NEO1: variants seen among roughly 807,000 people sequenced by gnomAD.
NEO1 encodes the protein neogenin.
In NEO1, 63 loss-of-function variants were observed where a neutral mutation model predicts 159.7. The ratio of observed to expected loss-of-function variants is 0.39; its 90% CI spans 0.32 to 0.49. NEO1 has a LOEUF of 0.49. Ranked by LOEUF, NEO1 falls within the 20% of genes least tolerant of loss-of-function variation. The probability of loss-of-function intolerance (pLI) is 0.85; values close to 1 mark genes in which losing one functional copy is unlikely to be tolerated. For missense variants in NEO1, 1,615 were observed against 1,831.0 expected, an observed-to-expected ratio of 0.88 and a Z score of 2.15; for synonymous variants, 633 against 662.0, an observed-to-expected ratio of 0.96 and a Z score of 0.67.
chr15:73,135,717 A>G (rs545855825), intron 4 of NEO1, among the ~76,000 whole-genome samples, 174 bp from the exon 5 acceptor site: 1 of 152,304 alleles, frequency 6.6e-6, no homozygotes, highest in South Asian at 2.1e-4. Flanking sequence ...AATATGAGCA[A>G]AGCAAATTGG....
intron 5 of NEO1, among the ~76,000 whole-genome samples, chr15:73,153,322 G>T (rs961430171): frequency 6.6e-6 from 1 of 152,130 alleles, no homozygotes; most frequent in Non-Finnish European, 1.5e-5. Context: ...GCCCAGTCAA[G>T]TTGACACATA....
chr15:73,264,771 G>A (rs1297058967), intron 15 of NEO1, among the ~76,000 whole-genome samples: 2 of 152,032 alleles, frequency 1.3e-5, no homozygotes, highest in Non-Finnish European at 2.9e-5. Context: ...TATTCCATCT[G>A]GCCCAAAATT....
At chr15:73,254,434 G>A (rs188588795) in intron 12 of NEO1, among the ~76,000 whole-genome samples, 1 of 152,032 alleles carries the variant, frequency 6.6e-6, no homozygotes, top group East Asian at 1.9e-4. Flanking sequence ...CATCTTTCTG[G>A]CAAAACAACC....
At chr15:73,082,469 G>A (rs1433532675) in intron 1 of NEO1, among the ~76,000 whole-genome samples, 2 of 151,780 alleles carry the variant, frequency 1.3e-5, no homozygotes, top group Non-Finnish European at 2.9e-5. Context: ...GAAGATTGCT[G>A]TTAATTTTTC....
intron 7 of NEO1, among the ~76,000 whole-genome samples, chr15:73,234,818 T>C (rs1482785405): frequency 6.6e-6 from 1 of 152,238 alleles, no homozygotes; most frequent in East Asian, 1.9e-4. Flanking sequence ...CAGACTCTGC[T>C]TGGCTATATC....
chr15:73,075,641 A>G (rs1248484052), intron 1 of NEO1, among the ~76,000 whole-genome samples: 1 of 114,276 alleles, frequency 8.8e-6, no homozygotes, highest in Non-Finnish European at 2.0e-5. Context: ...CAGTGTAAAC[A>G]CTGGCCATGT....
chr15:73,060,516 C>T (rs1053523906), intron 1 of NEO1, among the ~76,000 whole-genome samples: 2 of 152,164 alleles, frequency 1.3e-5, no homozygotes, highest in Non-Finnish European at 2.9e-5. Flanking sequence ...GATCTGCCCG[C>T]CTCGGCCTCC....
At position 73,293,440 on chromosome 15, in the gene NEO1, T is replaced by A; in HGVS notation, c.3793T>A (p.Phe1265Ile). The A allele has an allele frequency of 6.2e-7, 1 of 1,614,196 alleles. No homozygotes were observed. The highest frequency in any genetic ancestry group is 8.5e-7 in the Non-Finnish European group (1 of 1,180,036). ...IHSLDNPHHH[F>I]HSSSLASPAR... Reference sequence around the variant, plus strand: ...TTCCCTCGATAACCCTCACCATCATTTCCACTCCAGCAGCCTCGCTTCTCC... The same window carrying A: ...TTCCCTCGATAACCCTCACCATCATATCCACTCCAGCAGCCTCGCTTCTCC... Residue 1265 changes from phenylalanine to isoleucine, a missense_variant, in exon 26 of 29, where the codon TTC (phenylalanine) becomes ATC (isoleucine). Phe to Ile is a conservative substitution (Grantham distance 21). This residue lies in a region of NEO1 where 471 missense variants were observed against 498.9 expected (regional missense o/e 0.94). Coordinates refer to ENST00000261908, the MANE Select transcript of NEO1 (RefSeq NM_002499.4).
chr15:73,115,604 C>G (rs193020705), intron 1 of NEO1, among the ~76,000 whole-genome samples: 3 of 152,058 alleles, frequency 2.0e-5, no homozygotes, highest in African/African-American at 7.2e-5. Flanking sequence ...GTTTCATTTG[C>G]TGGATTGGGT....
At chr15:73,104,021 A>G (rs2070543651) in intron 1 of NEO1, among the ~76,000 whole-genome samples, 1 of 151,948 alleles carries the variant, frequency 6.6e-6, no homozygotes, top group Admixed American at 6.6e-5. Context: ...TGCCAGGTTA[A>G]TTTTTTTAAA....
intron 1 of NEO1, among the ~76,000 whole-genome samples, chr15:73,115,852 A>G (rs796429066): frequency 7.2e-5 from 11 of 152,354 alleles, no homozygotes; most frequent in African/African-American, 2.6e-4. Context: ...TTACACTAAA[A>G]TGAATTCTAG....
At chr15:73,218,666 T>G (rs1194683784) in intron 7 of NEO1, among the ~76,000 whole-genome samples, 1 of 152,210 alleles carries the variant, frequency 6.6e-6, no homozygotes, top group Non-Finnish European at 1.5e-5. Context: ...AGAGTGTATG[T>G]GTCGAGGAAT....
At chr15:73,180,375 T>A (rs571636612) in intron 7 of NEO1, among the ~76,000 whole-genome samples, 1 of 152,220 alleles carries the variant, frequency 6.6e-6, no homozygotes, top group African/African-American at 2.4e-5. Context: ...TCTTCTTAGG[T>A]TTGTATATAC....
intron 7 of NEO1, among the ~76,000 whole-genome samples, chr15:73,178,672 A>G (rs1302072401): frequency 6.6e-6 from 1 of 152,224 alleles, no homozygotes; most frequent in African/African-American, 2.4e-5. Flanking sequence ...GTCTTAATAA[A>G]TTAATTTTTA....
chr15:73,270,218 A>C lies in NEO1; in HGVS notation c.2703A>C (p.Ala901=), dbSNP rs1221575297. ...TCCGATGGAAAACCAACATCCCAGC[A>C]AACACCAAGTACAAGGTACTGACAC... ...YTVRWKTNIP[A]NTKYKNANAT... Residue 901 remains alanine (A), a synonymous_variant, in exon 17 of 29, where the codon GCA becomes GCC. Coordinates refer to ENST00000261908, the MANE Select transcript of NEO1 (RefSeq NM_002499.4). 6 of 1,614,222 alleles carry C rather than the reference A, an allele frequency of 3.7e-6. No homozygotes were observed. Among genetic ancestry groups the C allele is most frequent in the Non-Finnish European group, 5.1e-6 (6 of 1,180,046 alleles).
At chr15:73,137,271 A>T (rs1427719790) in intron 5 of NEO1, among the ~76,000 whole-genome samples, 1 of 152,232 alleles carries the variant, frequency 6.6e-6, no homozygotes. Context: ...AGAATTAAAA[A>T]TAACCATAAA....
chr15:73,251,513 C>CAAA (rs35979398), intron 11 of NEO1, among the ~76,000 whole-genome samples: 2 of 94,414 alleles, frequency 2.1e-5, no homozygotes, highest in African/African-American at 9.0e-5. Flanking sequence ...GAAGCTGTCT[C>CAAA]AAAAAAAAAA....
At chr15:73,197,974 C>T (rs2036633813) in intron 7 of NEO1, among the ~76,000 whole-genome samples, 1 of 152,114 alleles carries the variant, frequency 6.6e-6, no homozygotes, top group Admixed American at 6.5e-5. Flanking sequence ...AACCCCCATG[C>T]CTGTCCATGC....
At chr15:73,159,532 A>T (rs1567342847) in intron 5 of NEO1, among the ~76,000 whole-genome samples, 1 of 152,000 alleles carries the variant, frequency 6.6e-6, no homozygotes, top group Non-Finnish European at 1.5e-5. Flanking sequence ...AACCACATAA[A>T]TATATCCCAC....
Sources: gnomAD v4.1 joint callset for allele counts (sites outside exome capture counted in the v4.1 genomes callset) on GRCh38, gnomAD v4.1.1 for gene constraint, gnomAD v4.1.1 regional missense constraint, MANE v1.5 for transcripts, NCBI Gene and HGNC (gene_info 2026-07-23, HGNC 2026-07-21) for gene names.